The following SPTB variants were observed in gnomAD, a reference collection of about 807,000 sequenced individuals.
SPTB encodes the protein spectrin beta chain, erythrocytic.
In SPTB, 45 loss-of-function variants were observed where a neutral mutation model predicts 256.2. The ratio of observed to expected loss-of-function variants is 0.18; its 90% CI spans 0.14 to 0.23. The LOEUF is 0.23. Ranked by LOEUF, SPTB falls within the 10% of genes least tolerant of loss-of-function variation. The pLI is 1.00. For synonymous variants in SPTB, 1,231 were observed against 1,243.1 expected, an observed-to-expected ratio of 0.99 and a Z score of 0.21; for missense variants, 2,715 against 3,040.4, an observed-to-expected ratio of 0.89 and a Z score of 2.52.
In SPTB at chr14:64,767,370, C is replaced by T. The variant is rs757203385; in HGVS notation, c.6220-18G>A. The T allele has an allele frequency of 1.2e-6, 2 of 1,613,932 alleles. No homozygotes were observed. Among genetic ancestry groups the T allele is most frequent in the East Asian group, 4.5e-5 (2 of 44,884 alleles). ...AGCTCAAGCTAGAGGAGGAGAAGGCCCAGGGGTCAGAGCAGCCACAGAGGC... is the reference window on the plus strand; with the variant it reads ...AGCTCAAGCTAGAGGAGGAGAAGGCTCAGGGGTCAGAGCAGCCACAGAGGC... On this transcript the variant is annotated intron_variant, in intron 30 of 35. Coordinates refer to ENST00000644917, the MANE Select transcript of SPTB (RefSeq NM_001355436.2).
At position 64,830,604 on chromosome 14, in the gene SPTB, T is replaced by C. The variant is rs529691936; in HGVS notation, c.-51-7459A>G. On this transcript the variant is annotated intron_variant, in intron 1 of 35. Transcript: ENST00000644917. ...CAGTCATTAAGCCTCTGAAAGGGTC[T>C]TTTGTTCGTCATTTCTTTATGTTTT... 2.0e-4 allele frequency among the ~76,000 whole-genome samples: 31 copies of C among 152,256 alleles called. No individual in the cohort carries two copies. The South Asian group carries it at 3.1e-3, about 15-fold the overall frequency.
intron 1 of SPTB, among the ~76,000 whole-genome samples, chr14:64,874,985 T>C (rs1406071850): frequency 6.6e-6 from 1 of 152,158 alleles, no homozygotes; most frequent in Non-Finnish European, 1.5e-5. Context: ...ATTTATAACA[T>C]TCAAATGAAA....
intron 1 of SPTB, among the ~76,000 whole-genome samples, chr14:64,865,799 C>T (rs1882148054): frequency 6.6e-6 from 1 of 152,168 alleles, no homozygotes; most frequent in Non-Finnish European, 1.5e-5. Flanking sequence ...GCTTCCTCTC[C>T]CAGAGCAGCT....
chr14:64,774,493 T>A lies in SPTB; in HGVS notation c.4877A>T (p.His1626Leu). The A allele has an allele frequency of 6.4e-7, 1 of 1,555,288 alleles. No individual in the cohort carries two copies. The highest frequency in any genetic ancestry group is 8.7e-7 in the Non-Finnish European group (1 of 1,149,078). Residue 1626 changes from histidine (H) to leucine (L), a missense_variant, in exon 24 of 36, where the codon CAT (histidine) becomes CTT (leucine). His to Leu is a moderately conservative substitution (Grantham distance 99). Coordinates refer to ENST00000644917, the MANE Select transcript of SPTB (RefSeq NM_001355436.2). ...EEGAIVMLKR[H>L]LRQQRAVEDY... ...CTCCACCGCACGCTGCTGCCGCAAA[T>A]GTCGCTTCAGCATCACAATGGCGCC...
At chr14:64,819,931 A>T (rs988885193) in intron 2 of SPTB, among the ~76,000 whole-genome samples, 1 of 152,212 alleles carries the variant, frequency 6.6e-6, no homozygotes, top group African/African-American at 2.4e-5. Context: ...TTGAGAAAAT[A>T]CTATCATCCC....
chr14:64,853,833 G>A lies in SPTB; in HGVS notation c.-52+25959C>T. On this transcript the variant is annotated intron_variant, in intron 1 of 35. Transcript: ENST00000644917. This position sits in a 1 kb window ranked among gnomAD's most constrained non-coding sequence, Gnocchi z 4.3. Reference sequence around the variant, plus strand: ...GCCTAGGATCTCACACATATCAGGAGCTTAGTAAAATTTAACACTTATCAT... The same window carrying A: ...GCCTAGGATCTCACACATATCAGGAACTTAGTAAAATTTAACACTTATCAT... Among the ~76,000 whole-genome samples, 1 of 152,180 alleles carries A rather than the reference G, an allele frequency of 6.6e-6. No homozygotes were observed. Among genetic ancestry groups the A allele is most frequent in the East Asian group, 1.9e-4 (1 of 5,204 alleles).
intron 1 of SPTB, among the ~76,000 whole-genome samples, chr14:64,836,265 C>T (rs182430706): frequency 8.7e-4 from 132 of 152,274 alleles, no homozygotes; most frequent in African/African-American, 3.0e-3. Flanking sequence ...GATTTACTAA[C>T]CTATGATTTG....
Position 64,793,822 on chromosome 14 carries a change from T to C in SPTB, c.1841A>G (p.His614Arg). The C allele has an allele frequency of 6.2e-7, 1 of 1,611,260 alleles. No homozygotes were observed. The highest frequency in any genetic ancestry group is 8.5e-7 in the Non-Finnish European group (1 of 1,179,850). ...DPQVIQDRIS[H>R]LEQCFEELSN... ...CAGCTCCTCAAAGCACTGCTCCAAG[T>C]GGCTGATGCGGTCCTGGATGACCTG... The change falls in exon 14 of 36, where the codon CAC becomes CGC. Residue 614 changes from histidine (H) to arginine (R), a missense_variant. Physicochemically the swap from His to Arg is conservative, Grantham distance 29. Transcript: ENST00000644917. The surrounding 1 kb of genome is among the most constrained non-coding windows in gnomAD (Gnocchi z 7.0).
intron 1 of SPTB, among the ~76,000 whole-genome samples, chr14:64,834,136 CTT>C (rs1211909041): frequency 2.0e-5 from 3 of 152,236 alleles, no homozygotes; most frequent in African/African-American, 4.8e-5. Flanking sequence ...AAGTGATTCT[CTT>C]GTCTCAGCCT....
At position 64,827,506 on chromosome 14, in the gene SPTB, G is replaced by A. The variant is rs1468490650; in HGVS notation, c.-51-4361C>T. 1.3e-5 allele frequency among the ~76,000 whole-genome samples: 2 copies of A among 152,042 alleles called. No individual in the cohort carries two copies. The highest frequency in any genetic ancestry group is 2.9e-5 in the Non-Finnish European group (2 of 68,010). Reference sequence around the variant, plus strand: ...CCTCAAACCTGCTTTTAACAATTTGGTATTGTGGCAACCCGGTCAGGAGAT... The same window carrying A: ...CCTCAAACCTGCTTTTAACAATTTGATATTGTGGCAACCCGGTCAGGAGAT... On this transcript the variant is annotated intron_variant, in intron 1 of 35. Transcript: ENST00000644917. This position sits in a 1 kb window ranked among gnomAD's most constrained non-coding sequence, Gnocchi z 4.6.
At chr14:64,830,652 C>T (rs545082934) in intron 1 of SPTB, among the ~76,000 whole-genome samples, 12 of 152,126 alleles carry the variant, frequency 7.9e-5, no homozygotes, top group Non-Finnish European at 1.6e-4. Context: ...CACTCAGGCC[C>T]TCATCTCTTC....
Position 64,774,823 on chromosome 14 carries a change from C to G in SPTB, c.4843-296G>C, listed in dbSNP as rs1341052300. Among the ~76,000 whole-genome samples, 3 of 152,158 alleles carry G rather than the reference C, an allele frequency of 2.0e-5. No homozygotes were observed. In the South Asian group the frequency reaches 6.2e-4, roughly 32 times the overall value. ...TCATTCCAGCTTTGAGAGACCCCCA[C>G]CTGTCACCTCTCACCCCATCTCTTT... On this transcript the variant is annotated intron_variant, in intron 23 of 35. Coordinates refer to ENST00000644917, the MANE Select transcript of SPTB (RefSeq NM_001355436.2).
rs2083681040 is a variant in SPTB, at chr14:64,845,722, G to A, written c.-51-22577C>T. Among the ~76,000 whole-genome samples the A allele has an allele frequency of 6.6e-6, 1 of 152,226 alleles. No homozygotes were observed. The highest frequency in any genetic ancestry group is 1.5e-5 in the Non-Finnish European group (1 of 68,034). On this transcript the variant is annotated intron_variant, in intron 1 of 35. Transcript: ENST00000644917. The surrounding 1 kb of genome is among the most constrained non-coding windows in gnomAD (Gnocchi z 4.8). ...TGTTTTAGGGATTAGAAGTTTCCCT[G>A]TGTGTTTCCCCAACTTTGTGAAATG...
At chr14:64,811,106 C>T (rs918055693) in intron 2 of SPTB, among the ~76,000 whole-genome samples, 2 of 151,322 alleles carry the variant, frequency 1.3e-5, no homozygotes, top group Non-Finnish European at 2.9e-5. Flanking sequence ...GATTGAGACC[C>T]ACCTCGAAAA....
At chr14:64,750,948 AATAC>A (rs979132582) in intron 33 of SPTB, among the ~76,000 whole-genome samples, 6 of 121,428 alleles carry the variant, frequency 4.9e-5, no homozygotes, top group African/African-American at 1.1e-4. Flanking sequence ...TATACTATAT[AATAC>A]ATATTTTATA....
At chr14:64,763,335 C>T (rs1244572405) in intron 32 of SPTB, among the ~76,000 whole-genome samples, 1 of 152,254 alleles carries the variant, frequency 6.6e-6, no homozygotes, top group African/African-American at 2.4e-5. Flanking sequence ...AGGGCACTGT[C>T]CTTACCGTAG....
chr14:64,789,722 C>T (rs2082637794), intron 15 of SPTB, among the ~76,000 whole-genome samples: 1 of 152,206 alleles, frequency 6.6e-6, no homozygotes, highest in African/African-American at 2.4e-5. Context: ...CATAGTCTAG[C>T]AGGAAAGTCC....
intron 9 of SPTB, among the ~76,000 whole-genome samples, chr14:64,798,740 T>C (rs933394319): frequency 1.3e-5 from 2 of 152,234 alleles, no homozygotes; most frequent in Non-Finnish European, 2.9e-5. Context: ...AATGGGTTAC[T>C]GTCAGACTAG....
At position 64,769,748 on chromosome 14, in the gene SPTB, G is replaced by A. The variant is rs199734119; in HGVS notation, c.5799-20C>T. The A allele has an allele frequency of 6.2e-7, 1 of 1,614,054 alleles. No individual in the cohort carries two copies. Among genetic ancestry groups the A allele is most frequent in the Non-Finnish European group, 8.5e-7 (1 of 1,179,996 alleles). ...ACATCCCTGGGGGACAGGAGGACAA[G>A]GGAAGAAGGGAACTCTGGGTCACTC... On this transcript the variant is annotated intron_variant, in intron 27 of 35. Coordinates refer to ENST00000644917, the MANE Select transcript of SPTB (RefSeq NM_001355436.2).
Sources: allele counts gnomAD v4.1 joint callset (sites outside exome capture counted in the v4.1 genomes callset), GRCh38; gene constraint gnomAD v4.1.1; non-coding constraint Gnocchi (gnomAD v3.1); transcripts MANE v1.5; gene names NCBI Gene and HGNC (gene_info 2026-07-23, HGNC 2026-07-21).